Variants in CPM observed in about 807,000 individuals in gnomAD.
CPM encodes the protein carboxypeptidase M, also known as renal carboxypeptidase.
A neutral mutation model predicts 46.4 loss-of-function variants in CPM; 35 were observed. The observed-to-expected ratio is 0.75, with a 90% CI of 0.58 to 1.00. The LOEUF (loss-of-function observed/expected upper bound fraction) is 1.00. Among genes scored for constraint, CPM ranks in the 50% least tolerant of loss-of-function variants. The pLI, the probability that CPM is intolerant of heterozygous loss-of-function variation, is 0.00. For missense variants in CPM, 422 were observed against 530.4 expected, an observed-to-expected ratio of 0.80 and a Z score of 2.01; for synonymous variants, 195 against 195.3, an observed-to-expected ratio of 1.00 and a Z score of 0.01.
intron 1 of CPM, among the ~76,000 whole-genome samples, chr12:68,959,940 A>G (rs774519735): frequency 3.3e-5 from 5 of 152,172 alleles, no homozygotes; most frequent in Non-Finnish European, 7.4e-5. Flanking sequence ...GGTTTATAAA[A>G]CTCACTAAAA....
At chr12:68,955,492 T>G (rs1888999941) in intron 1 of CPM, among the ~76,000 whole-genome samples, 1 of 135,636 alleles carries the variant, frequency 7.4e-6, no homozygotes, top group Non-Finnish European at 1.6e-5. Context: ...ACATGGTGAG[T>G]GTGTGTGGGG....
At chr12:68,958,340 C>G (rs576162065) in intron 1 of CPM, among the ~76,000 whole-genome samples, 1 of 152,292 alleles carries the variant, frequency 6.6e-6, no homozygotes, top group African/African-American at 2.4e-5. Flanking sequence ...TCTTCACATC[C>G]TCTCCAGCTT....
chr12:68,952,237 T>C (rs892614285), intron 1 of CPM, among the ~76,000 whole-genome samples: 7 of 152,214 alleles, frequency 4.6e-5, no homozygotes, highest in African/African-American at 9.7e-5. Context: ...GGTTTTTGCT[T>C]AGGATAAAAT....
At chr12:68,893,303 G>C (rs979042110) in intron 2 of CPM, among the ~76,000 whole-genome samples, 4 of 152,136 alleles carry the variant, frequency 2.6e-5, no homozygotes, top group African/African-American at 9.7e-5. Context: ...TAGAGTTTCA[G>C]GTTTGGGCCA....
At chr12:68,946,030 AT>A (rs771531102) in intron 1 of CPM, among the ~76,000 whole-genome samples, 29 of 149,752 alleles carry the variant, frequency 1.9e-4, no homozygotes, top group Admixed American at 4.0e-4. Context: ...TTTTTAAATA[AT>A]TTTTTGTAGA....
At chr12:68,906,730 G>T (rs922740639) in intron 2 of CPM, among the ~76,000 whole-genome samples, 5 of 152,122 alleles carry the variant, frequency 3.3e-5, no homozygotes, top group African/African-American at 1.2e-4. Flanking sequence ...TGATCCGCCC[G>T]CCTCAGCCTC....
Position 68,929,577 on chromosome 12 carries a change from G to A in CPM, c.160+3101C>T, listed in dbSNP as rs148974953. 2.1e-3 allele frequency among the ~76,000 whole-genome samples: 318 copies of A among 152,296 alleles called. 2 individuals are homozygous for A. The highest frequency in any genetic ancestry group is 7.1e-3 in the African/African-American group (297 of 41,546). ...AACTGAAATATGGTCTACTATGGCT[G>A]AAGCTGGGTATAGATGTGTTTAACT... On this transcript the variant is annotated intron_variant, in intron 2 of 8. Coordinates refer to ENST00000551568, the MANE Select transcript of CPM (RefSeq NM_198320.5).
chr12:68,949,616 A>T (rs1015661399), intron 1 of CPM, among the ~76,000 whole-genome samples: 1 of 152,226 alleles, frequency 6.6e-6, no homozygotes, highest in Non-Finnish European at 1.5e-5. Flanking sequence ...TGTTCACATA[A>T]AGCACTCAAC....
Position 68,902,844 on chromosome 12 carries a change from G to A in CPM, c.161-16955C>T, listed in dbSNP as rs139168256. ...ACCTTCTTCTATTACTACCTCAGAGGCAACTGATGTTTACCTTTTTTAGAA... is the reference window on the plus strand; with the variant it reads ...ACCTTCTTCTATTACTACCTCAGAGACAACTGATGTTTACCTTTTTTAGAA... On this transcript the variant is annotated intron_variant, in intron 2 of 8. Coordinates refer to ENST00000551568, the MANE Select transcript of CPM (RefSeq NM_198320.5). Among the ~76,000 whole-genome samples the A allele has an allele frequency of 5.3e-5, 8 of 152,218 alleles. No individual in the cohort carries two copies. The East Asian group carries it at 1.5e-3, about 29-fold the overall frequency.
chr12:68,906,577 C>G (rs1887359445), intron 2 of CPM, among the ~76,000 whole-genome samples: 1 of 152,066 alleles, frequency 6.6e-6, no homozygotes, highest in Admixed American at 6.5e-5. Context: ...GCAGCCTCTG[C>G]CTCCTGGGTT....
downstream of CPM, chr12:68,849,067 C>T (rs1884520788): frequency 6.7e-6 from 1 of 150,034 alleles, no homozygotes. Flanking sequence ...CGTTGGAAGA[C>T]TAAAGGTGTC....
intron 2 of CPM, among the ~76,000 whole-genome samples, chr12:68,917,136 T>C (rs953848713): frequency 2.0e-5 from 3 of 152,168 alleles, no homozygotes; most frequent in Non-Finnish European, 4.4e-5. Flanking sequence ...GAACTTCTTT[T>C]GCTCCTCAAA....
intron 1 of CPM, among the ~76,000 whole-genome samples, chr12:68,951,912 A>G (rs1888941297): frequency 6.6e-6 from 1 of 152,216 alleles, no homozygotes. Flanking sequence ...GCCAGATGCC[A>G]TCAGTTACAC....
chr12:68,919,474 C>G (rs1313947487), intron 2 of CPM, among the ~76,000 whole-genome samples: 2 of 152,206 alleles, frequency 1.3e-5, no homozygotes, highest in East Asian at 3.8e-4. Context: ...CACACACAGA[C>G]TGGGATTTAC....
In CPM at chr12:68,939,595, A is replaced by G. The variant is rs569774082; in HGVS notation, c.-3-6755T>C. 1.4e-4 allele frequency among the ~76,000 whole-genome samples: 22 copies of G among 152,122 alleles called. 1 individual carries two copies. In the East Asian group the frequency reaches 4.2e-3, roughly 29 times the overall value. Reference sequence around the variant, plus strand: ...CATCTCACCAATTTTCTACAAACTAACATTTGAATTTACAGTTGTAAAATG... The same window carrying G: ...CATCTCACCAATTTTCTACAAACTAGCATTTGAATTTACAGTTGTAAAATG... On this transcript the variant is annotated intron_variant, in intron 1 of 8. Transcript: ENST00000546373.
chr12:68,886,840 A>ATCTTAGATCTGTGT (rs1886454602), intron 2 of CPM, among the ~76,000 whole-genome samples: 5 of 152,186 alleles, frequency 3.3e-5, no homozygotes, highest in African/African-American at 1.2e-4. Context: ...GATCTGGGCA[A>ATCTTAGATCTGTGT]GAAAGGGCAG....
chr12:68,842,695 A>G (rs1565751601), intron 5 of CPM: 1 of 199,168 alleles, frequency 5.0e-6, no homozygotes, highest in African/African-American at 2.3e-5. Context: ...CTAGTGATAT[A>G]TATAAAGTAA....
intron 1 of CPM, among the ~76,000 whole-genome samples, chr12:68,958,174 T>C (rs145581692): frequency 0.033 from 5,014 of 152,286 alleles, 220 homozygotes; most frequent in African/African-American, 0.1. Flanking sequence ...GTCTTTATAG[T>C]AGCATGATTT....
intron 5 of CPM, among the ~76,000 whole-genome samples, chr12:68,869,857 A>G (rs529587616): frequency 6.7e-6 from 1 of 148,776 alleles, no homozygotes; most frequent in East Asian, 2.0e-4. Flanking sequence ...AAGAGTCAAC[A>G]ATTATTGTTC....
Sources: gnomAD v4.1 joint callset for allele counts (sites outside exome capture counted in the v4.1 genomes callset) on GRCh38, gnomAD v4.1.1 for gene constraint, MANE v1.5 for transcripts, NCBI Gene and HGNC (gene_info 2026-07-23, HGNC 2026-07-21) for gene names.